AGAP1: variants seen among roughly 807,000 people sequenced by gnomAD.
AGAP1 encodes the protein arf-GAP with GTPase, ANK repeat and PH domain-containing protein 1.
A neutral mutation model predicts 105.3 loss-of-function variants in AGAP1; 29 were observed. The ratio of observed to expected loss-of-function variants is 0.28; its 90% CI spans 0.21 to 0.38. The LOEUF (loss-of-function observed/expected upper bound fraction) is 0.38. AGAP1 is among the 10% of genes least tolerant of loss of function. The probability of loss-of-function intolerance (pLI) is 1.00; values close to 1 mark genes in which losing one functional copy is unlikely to be tolerated. For synonymous variants in AGAP1, 509 were observed against 485.9 expected, an observed-to-expected ratio of 1.05 and a Z score of -0.63; for missense variants, 998 against 1,165.1, an observed-to-expected ratio of 0.86 and a Z score of 2.09.
rs567870218 is a variant in AGAP1, at chr2:235,763,892, G to T, written c.673+13404G>T. Among the ~76,000 whole-genome samples, 365 of 152,338 alleles carry T rather than the reference G, an allele frequency of 2.4e-3. 3 individuals are homozygous for T. The highest frequency in any genetic ancestry group is 8.2e-3 in the African/African-American group (340 of 41,572). ...CCAGGCAGTCCTTGCTGCTCTTACA[G>T]ATGCGCGCTTTTGGGGTCATCAGGC... is the stretch of plus-strand genomic sequence containing the variant. On this transcript the variant is annotated intron_variant, in intron 6 of 17. Transcript: ENST00000304032.
chr2:235,984,724 T>G (rs2055237656), intron 13 of AGAP1, among the ~76,000 whole-genome samples: 1 of 152,148 alleles, frequency 6.6e-6, no homozygotes, highest in African/African-American at 2.4e-5. Flanking sequence ...GTTCCTGTGT[T>G]AGTTCGCCGA....
chr2:235,908,038 C>G lies in AGAP1; in HGVS notation c.1156-700C>G, dbSNP rs953290058. 6.6e-6 allele frequency among the ~76,000 whole-genome samples: 1 copy of G among 152,170 alleles called. No homozygotes were observed. The highest frequency in any genetic ancestry group is 1.5e-5 in the Non-Finnish European group (1 of 68,032). On this transcript the variant is annotated intron_variant, in intron 10 of 17. Transcript: ENST00000304032. This position sits in a 1 kb window ranked among gnomAD's most constrained non-coding sequence, Gnocchi z 4.4. ...AACTCACTGGCCAGCAGGCCCATCC[C>G]CCGGCTCTCAGTTGCTTGTTCACCT...
chr2:235,523,404 T>C (rs191577857), intron 1 of AGAP1, among the ~76,000 whole-genome samples: 1 of 152,316 alleles, frequency 6.6e-6, no homozygotes, highest in East Asian at 1.9e-4. Context: ...TAGGCTTTGC[T>C]CACCTGTGCT....
chr2:235,994,165 C>A lies in AGAP1; in HGVS notation c.1645+25542C>A, dbSNP rs970280985. ...TCCCCAAAGCTTCATAACATGGTTC[C>A]ATATGTGTCCTTTTTAAGAGTCTTG... is the stretch of plus-strand genomic sequence containing the variant. On this transcript the variant is annotated intron_variant, in intron 13 of 17. Transcript: ENST00000304032. This position sits in a 1 kb window ranked among gnomAD's most constrained non-coding sequence, Gnocchi z 4.4. 2.0e-5 allele frequency among the ~76,000 whole-genome samples: 3 copies of A among 152,152 alleles called. No individual in the cohort carries two copies. Among genetic ancestry groups the A allele is most frequent in the Non-Finnish European group, 4.4e-5 (3 of 68,020 alleles).
chr2:235,524,543 A>C (rs115022664), intron 1 of AGAP1: 6,560 of 294,510 alleles, frequency 0.022, 422 homozygotes, highest in African/African-American at 0.13. Context: ...CCCATGGGTA[A>C]GTATAACCCC....
At chr2:235,500,402 T>C (rs1231852770) in intron 1 of AGAP1, among the ~76,000 whole-genome samples, 1 of 152,180 alleles carries the variant, frequency 6.6e-6, no homozygotes, top group Non-Finnish European at 1.5e-5. Flanking sequence ...CGAATGTGCC[T>C]CTCTAAGAAG....
chr2:235,734,206 A>T lies in AGAP1; in HGVS notation c.311-6757A>T, dbSNP rs1236154851. ...GATTTTCTCCCGATGTCATCATGGCACTCAGTAACAAGGAATATTGTAGAT... is the reference window on the plus strand; with the variant it reads ...GATTTTCTCCCGATGTCATCATGGCTCTCAGTAACAAGGAATATTGTAGAT... On this transcript the variant is annotated intron_variant, in intron 3 of 17. Transcript: ENST00000304032. The surrounding 1 kb of genome is among the most constrained non-coding windows in gnomAD (Gnocchi z 5.3). Among the ~76,000 whole-genome samples, 2 of 152,206 alleles carry T rather than the reference A, an allele frequency of 1.3e-5. No homozygotes were observed. The highest frequency in any genetic ancestry group is 2.9e-5 in the Non-Finnish European group (2 of 68,048).
At chr2:235,926,548 A>AT (rs1160070976) in intron 11 of AGAP1, among the ~76,000 whole-genome samples, 13 of 152,216 alleles carry the variant, frequency 8.5e-5, no homozygotes, top group African/African-American at 2.9e-4. Context: ...ACCCTGTGTA[A>AT]TTTTTTTTAG....
intron 1 of AGAP1, among the ~76,000 whole-genome samples, chr2:235,647,312 A>G (rs113003925): frequency 2.4e-4 from 3 of 12,374 alleles, no homozygotes; most frequent in African/African-American, 1.1e-3. Flanking sequence ...GAGGGTACCC[A>G]TGTAGCATGA....
At position 236,076,791 on chromosome 2, in the gene AGAP1, G is replaced by A. The variant is rs957680395; in HGVS notation, c.2114+27510G>A. The stretch of plus-strand genomic sequence containing the variant: ...TCCAGTGAGCCAGGGCTACATTTTG[G>A]GAAGTGACTGTATCCTACAGAGTAG... On this transcript the variant is annotated intron_variant, in intron 16 of 17. Transcript: ENST00000304032. The surrounding 1 kb of genome is among the most constrained non-coding windows in gnomAD (Gnocchi z 4.4). Among the ~76,000 whole-genome samples the A allele has an allele frequency of 6.6e-6, 1 of 151,930 alleles. No homozygotes were observed. Among genetic ancestry groups the A allele is most frequent in the Admixed American group, 6.6e-5 (1 of 15,248 alleles).
Position 235,566,503 on chromosome 2 carries a change from C to T in AGAP1, c.163+71654C>T. On this transcript the variant is annotated intron_variant, in intron 1 of 17. Coordinates refer to ENST00000304032, the MANE Select transcript of AGAP1 (RefSeq NM_001037131.3). This position sits in a 1 kb window ranked among gnomAD's most constrained non-coding sequence, Gnocchi z 5.2. Reference sequence around the variant, plus strand: ...TTATTTCCAGATAAGCATTCATAAACAGTGAAAAGCACAAATCATCAGTGC... The same window carrying T: ...TTATTTCCAGATAAGCATTCATAAATAGTGAAAAGCACAAATCATCAGTGC... 4.7e-6 allele frequency: 4 copies of T among 848,730 alleles called. No homozygotes were observed. Among genetic ancestry groups the T allele is most frequent in the Non-Finnish European group, 5.7e-6 (4 of 705,352 alleles). The allele number at this position is 848,730 out of a possible 1,614,324, so 52.6% of individuals were successfully genotyped here. A position where few individuals can be genotyped will look rare whatever the true frequency, so the allele number is the denominator to read the frequency against.
At chr2:235,778,366 G>A (rs1033297854) in intron 6 of AGAP1, among the ~76,000 whole-genome samples, 9 of 152,138 alleles carry the variant, frequency 5.9e-5, no homozygotes, top group Admixed American at 5.2e-4. Flanking sequence ...TTTATTTCAC[G>A]TCTAATCAGA....
Position 235,612,885 on chromosome 2 carries a change from T to C in AGAP1, c.164-96294T>C, listed in dbSNP as rs1574964028. Among the ~76,000 whole-genome samples the C allele has an allele frequency of 1.3e-5, 2 of 152,334 alleles. No homozygotes were observed. Among genetic ancestry groups the C allele is most frequent in the Non-Finnish European group, 2.9e-5 (2 of 68,024 alleles). On this transcript the variant is annotated intron_variant, in intron 1 of 17. Coordinates refer to ENST00000304032, the MANE Select transcript of AGAP1 (RefSeq NM_001037131.3). The surrounding 1 kb of genome is among the most constrained non-coding windows in gnomAD (Gnocchi z 4.3). ...AGTGAGACTCCGCCCAGGTTATGTT[T>C]GTGGCCTTTTATCTCTCCAATGTGA...
Position 235,639,610 on chromosome 2 carries a change from C to T in AGAP1, c.164-69569C>T, listed in dbSNP as rs1167664554. Among the ~76,000 whole-genome samples the T allele has an allele frequency of 6.6e-6, 1 of 152,154 alleles. No individual in the cohort carries two copies. Among genetic ancestry groups the T allele is most frequent in the African/African-American group, 2.4e-5 (1 of 41,438 alleles). On this transcript the variant is annotated intron_variant, in intron 1 of 17. Coordinates refer to ENST00000304032, the MANE Select transcript of AGAP1 (RefSeq NM_001037131.3). This position sits in a 1 kb window ranked among gnomAD's most constrained non-coding sequence, Gnocchi z 5.3. ...CACTCTCTGGCCTTTATTGGTCAAG[C>T]TGCCTGCTGTGTTTCTGGTGCCCAA... is the stretch of plus-strand genomic sequence containing the variant.
At chr2:235,630,863 G>A (rs189579847) in intron 1 of AGAP1, among the ~76,000 whole-genome samples, 100 of 152,318 alleles carry the variant, frequency 6.6e-4, no homozygotes, top group African/African-American at 2.2e-3. Context: ...TTTGAACTGA[G>A]GTCTGTGTGC....
At position 236,062,688 on chromosome 2, in the gene AGAP1, A is replaced by C. The variant is rs940399108; in HGVS notation, c.2114+13407A>C. Among the ~76,000 whole-genome samples the C allele has an allele frequency of 1.3e-5, 2 of 151,862 alleles. No homozygotes were observed. Among genetic ancestry groups the C allele is most frequent in the Non-Finnish European group, 2.9e-5 (2 of 67,960 alleles). On this transcript the variant is annotated intron_variant, in intron 16 of 17. Coordinates refer to ENST00000304032, the MANE Select transcript of AGAP1 (RefSeq NM_001037131.3). This position sits in a 1 kb window ranked among gnomAD's most constrained non-coding sequence, Gnocchi z 4.2. ...TTTTTGTTTGTTTGTTTGAGATGGAATCTCACTCTGTCACCCAGGCTGGAG... is the reference window on the plus strand; with the variant it reads ...TTTTTGTTTGTTTGTTTGAGATGGACTCTCACTCTGTCACCCAGGCTGGAG...
In AGAP1 at chr2:236,109,745, T is replaced by C. The variant is rs1033578912; in HGVS notation, c.2115-10447T>C. Among the ~76,000 whole-genome samples, 6 of 152,352 alleles carry C rather than the reference T, an allele frequency of 3.9e-5. No homozygotes were observed. The highest frequency in any genetic ancestry group is 4.8e-5 in the African/African-American group (2 of 41,594). Reference sequence around the variant, plus strand: ...GTAGCAGCTGCCAACCACATACTTATGTAAAGCACTGGAAATGTGTCTAAA... The same window carrying C: ...GTAGCAGCTGCCAACCACATACTTACGTAAAGCACTGGAAATGTGTCTAAA... On this transcript the variant is annotated intron_variant, in intron 16 of 17. Transcript: ENST00000304032. The surrounding 1 kb of genome is among the most constrained non-coding windows in gnomAD (Gnocchi z 5.4).
At chr2:235,914,678 T>C (rs1260020058) in intron 11 of AGAP1, among the ~76,000 whole-genome samples, 1 of 152,218 alleles carries the variant, frequency 6.6e-6, no homozygotes, top group Admixed American at 6.5e-5. Flanking sequence ...TGTGCACTGC[T>C]GATGACTGGG....
intron 13 of AGAP1, among the ~76,000 whole-genome samples, chr2:236,019,510 A>G (rs1391300204): frequency 1.3e-5 from 2 of 152,214 alleles, no homozygotes; most frequent in Non-Finnish European, 2.9e-5. Flanking sequence ...CACCCCTAGC[A>G]GAGGGAGATC....
Sources: gnomAD v4.1 joint callset for allele counts (sites outside exome capture counted in the v4.1 genomes callset) on GRCh38, gnomAD v4.1.1 for gene constraint, Gnocchi (gnomAD v3.1) non-coding constraint, MANE v1.5 for transcripts, NCBI Gene and HGNC (gene_info 2026-07-23, HGNC 2026-07-21) for gene names.